PLG: variants seen among roughly 807,000 people sequenced by gnomAD.
PLG encodes plasminogen.
In PLG, 41 loss-of-function variants were observed where a neutral mutation model predicts 104.4. The observed-to-expected ratio is 0.39, with a 90% CI of 0.31 to 0.51. The LOEUF is 0.51. PLG is among the 20% of genes least tolerant of loss of function. PLG has a pLI of 0.76. For missense variants in PLG, 891 were observed against 1,003.6 expected (o/e 0.89, Z 1.52); for synonymous variants, 337 against 357.1 (o/e 0.94, Z 0.63).
At position 160,739,038 on chromosome 6, in the gene PLG, T is replaced by G. The variant is rs1311884688; in HGVS notation, c.1878-30T>G. The G allele has an allele frequency of 6.2e-7, 1 of 1,613,534 alleles. No individual in the cohort carries two copies. Among genetic ancestry groups the G allele is most frequent in the South Asian group, 1.1e-5 (1 of 91,064 alleles). The stretch of plus-strand genomic sequence containing the variant: ...GGTTACCTGAAGGGGCTGGACCATA[T>G]TTTCCTCTTGACGTCCTCATCTTTT... On this transcript the variant is annotated intron_variant, in intron 15 of 18. Transcript: ENST00000308192. The surrounding 1 kb of genome is among the most constrained non-coding windows in gnomAD (Gnocchi z 4.4).
intron 17 of PLG, among the ~76,000 whole-genome samples, chr6:160,748,370 A>AAGAGAGAGAGAGAGAGAG (rs1346113408): frequency 4.8e-5 from 2 of 41,442 alleles, no homozygotes; most frequent in Middle Eastern, 0.021. Flanking sequence ...GAAAGAAAGA[A>AAGAGAGAGAGAGAGAGAG]AGAAAGAAAG....
intron 5 of PLG, among the ~76,000 whole-genome samples, chr6:160,713,696 TTAAA>T (rs1206622148): frequency 2.0e-4 from 30 of 152,310 alleles, no homozygotes; most frequent in African/African-American, 7.2e-4. Flanking sequence ...AGGTTTGCAA[TTAAA>T]TAGTTAAAAT....
At chr6:160,718,608 T>C in intron 8 of PLG, 85 bp from the exon 9 acceptor site, 1 of 1,481,414 alleles carries the variant, frequency 6.8e-7, no homozygotes, top group Non-Finnish European at 9.4e-7. Flanking sequence ...TAGCACGTTT[T>C]TTCCCGTAAC....
At position 160,718,726 on chromosome 6, in the gene PLG, C is replaced by A; in HGVS notation, c.984C>A (p.Asp328Glu). The change falls in exon 9 of 19, where the codon GAC becomes GAA. Residue 328 changes from aspartate (D) to glutamate (E), a missense_variant. By Grantham distance (45) the Asp-to-Glu change is conservative (BLOSUM62 2). This residue lies in a region of PLG where 854 missense variants were observed against 932.1 expected (regional missense o/e 0.92). Transcript: ENST00000308192. ...NLDENYCRNP[D>E]GKRAPWCHTT... ...ATGAAAACTACTGCCGCAATCCTGACGGAAAAAGGGCCCCATGGTGCCATA... is the reference window on the plus strand; with the variant it reads ...ATGAAAACTACTGCCGCAATCCTGAAGGAAAAAGGGCCCCATGGTGCCATA... The A allele has an allele frequency of 6.2e-7, 1 of 1,613,864 alleles. No individual in the cohort carries two copies. The highest frequency in any genetic ancestry group is 8.5e-7 in the Non-Finnish European group (1 of 1,179,828).
chr6:160,734,031 T>C lies in PLG; in HGVS notation c.1624T>C (p.Trp542Arg). 1 of 1,611,306 alleles carries C rather than the reference T, an allele frequency of 6.2e-7. No individual in the cohort carries two copies. The highest frequency in any genetic ancestry group is 8.5e-7 in the Non-Finnish European group (1 of 1,177,550). The change falls in exon 13 of 19, where the codon TGG becomes CGG. Residue 542 changes from tryptophan (W) to arginine (R), a missense_variant. Coordinates refer to ENST00000308192, the MANE Select transcript of PLG (RefSeq NM_000301.5). This position sits in a 1 kb window ranked among gnomAD's most constrained non-coding sequence, Gnocchi z 4.4. ...CCCTGATGGTGATGTAGGTGGTCCCTGGTGCTACACGACAAATCCAAGAAA... is the reference window on the plus strand; with the variant it reads ...CCCTGATGGTGATGTAGGTGGTCCCCGGTGCTACACGACAAATCCAAGAAA... ...RNPDGDVGGP[W>R]CYTTNPRKLY...
intron 9 of PLG, among the ~76,000 whole-genome samples, chr6:160,721,047 T>C (rs1193697501): frequency 2.0e-5 from 3 of 152,234 alleles, no homozygotes; most frequent in East Asian, 1.9e-4. Flanking sequence ...TGACTTTTTT[T>C]CTAGCATTTT....
At chr6:160,745,699 T>C (rs976494490) in intron 17 of PLG, among the ~76,000 whole-genome samples, 2 of 152,194 alleles carry the variant, frequency 1.3e-5, no homozygotes, top group Non-Finnish European at 2.9e-5. Flanking sequence ...TGTGTTGTTA[T>C]GCTGGCTTGT....
intron 17 of PLG, among the ~76,000 whole-genome samples, chr6:160,749,903 G>GCCA (rs1554253187): frequency 1.4e-5 from 2 of 147,096 alleles, no homozygotes; most frequent in Non-Finnish European, 3.0e-5. Context: ...TTCCACCACT[G>GCCA]CCACCACCAC....
At chr6:160,704,280 TTTTGGGATATTTC>T (rs1384710320) in intron 1 of PLG, among the ~76,000 whole-genome samples, 1 of 152,170 alleles carries the variant, frequency 6.6e-6, no homozygotes, top group Non-Finnish European at 1.5e-5. Flanking sequence ...TTTGATTCTG[TTTTGGGATATTTC>T]CTAGGGACAT....
intron 5 of PLG, among the ~76,000 whole-genome samples, chr6:160,713,980 G>A (rs1777690221): frequency 6.6e-6 from 1 of 152,152 alleles, no homozygotes; most frequent in East Asian, 1.9e-4. Context: ...GTGTGGATAT[G>A]GTACTGTGTG....
chr6:160,706,460 A>C lies in PLG; in HGVS notation c.103A>C (p.Ser35Arg), dbSNP rs760167202. Residue 35 changes from serine (S) to arginine (R), a missense_variant, in exon 2 of 19, where the codon AGT becomes CGT. Transcript: ENST00000308192. ...YVNTQGASLF[S>R]VTKKQLGAGS... ...GAATACCCAGGGGGCTTCACTGTTC[A>C]GTGTCACTAAGAAGCAGCTGGGAGC... 6.2e-7 allele frequency: 1 copy of C among 1,613,810 alleles called. No individual in the cohort carries two copies. Among genetic ancestry groups the C allele is most frequent in the Non-Finnish European group, 8.5e-7 (1 of 1,179,726 alleles).
At chr6:160,730,205 C>A (rs887744383) in intron 10 of PLG, among the ~76,000 whole-genome samples, 1 of 152,220 alleles carries the variant, frequency 6.6e-6, no homozygotes, top group Non-Finnish European at 1.5e-5. Flanking sequence ...CCGTTGTTTT[C>A]GGACTCCTCC....
upstream of PLG, chr6:160,702,222 T>G (rs547015291): frequency 1.3e-6 from 2 of 1,511,780 alleles, no homozygotes; most frequent in East Asian, 4.5e-5. Flanking sequence ...ACTATCTGGT[T>G]TGTGGATGCG....
At chr6:160,712,953 A>G (rs1444500206) in intron 4 of PLG, 33 bp from the exon 5 acceptor site, 1 of 1,583,270 alleles carries the variant, frequency 6.3e-7, no homozygotes, top group Admixed American at 1.7e-5. Context: ...TTTTTAGAAT[A>G]TAGTCTAAGT....
At chr6:160,702,804 C>T (rs565402920) in intron 1 of PLG, among the ~76,000 whole-genome samples, 1 of 152,158 alleles carries the variant, frequency 6.6e-6, no homozygotes, top group Non-Finnish European at 1.5e-5. Flanking sequence ...GCGGCAGGGT[C>T]GGGGACTCAG....
At chr6:160,704,428 G>A (rs1284885030) in intron 1 of PLG, among the ~76,000 whole-genome samples, 2 of 152,164 alleles carry the variant, frequency 1.3e-5, no homozygotes, top group Admixed American at 6.5e-5. Flanking sequence ...AGCCTGCTCT[G>A]CTATACTTCA....
At position 160,714,828 on chromosome 6, in the gene PLG, C is replaced by T. The variant is rs145192723; in HGVS notation, c.582C>T (p.Asp194=). 817 of 1,613,312 alleles carry T rather than the reference C, an allele frequency of 5.1e-4. 2 individuals are homozygous for T. The African/African-American group carries it at 7.0e-3, about 14-fold the overall frequency. Residue 194 remains aspartate (D), a synonymous_variant, in exon 6 of 19, where the codon GAC becomes GAT. Transcript: ENST00000308192. ...ECMHCSGENY[D]GKISKTMSGL... is the part of the protein sequence containing the mutation. ...TGCATTGCAGTGGAGAAAACTATGA[C>T]GGCAAAATTTCCAAGACCATGTCTG...
intron 1 of PLG, 116 bp downstream of exon 1, chr6:160,702,469 AG>A (rs1284245858): frequency 7.5e-7 from 1 of 1,332,744 alleles, no homozygotes; most frequent in Admixed American, 2.1e-5. Flanking sequence ...TGAAACTTCC[AG>A]TTGAAAATCT....
intron 3 of PLG, among the ~76,000 whole-genome samples, chr6:160,709,218 T>C (rs138070038): frequency 5.3e-5 from 8 of 152,182 alleles, no homozygotes; most frequent in African/African-American, 1.4e-4. Flanking sequence ...TTTTGGTCCT[T>C]GTTTCTTTGC....
Sources: gnomAD v4.1 joint callset for allele counts (sites outside exome capture counted in the v4.1 genomes callset) on GRCh38, gnomAD v4.1.1 for gene constraint, gnomAD v4.1.1 regional missense constraint, Gnocchi (gnomAD v3.1) non-coding constraint, MANE v1.5 for transcripts, NCBI Gene and HGNC (gene_info 2026-07-23, HGNC 2026-07-21) for gene names.